KHSRP: variants seen among roughly 807,000 people sequenced by gnomAD.
The protein encoded by KHSRP is KH-type splicing regulatory protein.
A neutral mutation model predicts 94.9 loss-of-function variants in KHSRP; 13 were observed. That is an observed-to-expected ratio of 0.14 (90% confidence interval 0.09 to 0.22). KHSRP has a LOEUF of 0.22. Ranked by LOEUF, KHSRP falls within the 10% of genes least tolerant of loss-of-function variation. The probability of loss-of-function intolerance (pLI) is 1.00; values close to 1 mark genes in which losing one functional copy is unlikely to be tolerated. For missense variants in KHSRP, 710 were observed against 1,010.0 expected (o/e 0.70, Z 4.03); for synonymous variants, 495 against 401.4 (o/e 1.23, Z -2.79).
rs933015075 is a variant in KHSRP, at chr19:6,424,516, G to C, written c.186C>G (p.Pro62=). 2 of 985,928 alleles carry C rather than the reference G, an allele frequency of 2.0e-6. No homozygotes were observed. Among genetic ancestry groups the C allele is most frequent in the Non-Finnish European group, 2.4e-6 (2 of 831,834 alleles). 61.1% of individuals were successfully genotyped at this position (985,928 alleles called of 1,614,324 possible). The change falls in exon 1 of 19, where the codon CCC becomes CCG. Residue 62 remains proline, a synonymous_variant. Transcript: ENST00000600480. ...TGCGGATTCCCGGGCCGCCTCCGCC[G>C]GGTGGCTGAGAGGGGCCCCCGGCCG... ...GGSAGGPSQP[P]GGGGPGIRKD...
intron 3 of KHSRP, 68 bp from the exon 4 acceptor site, chr19:6,421,385 C>A: frequency 6.6e-7 from 1 of 1,503,942 alleles, no homozygotes. Context: ...CTGCCTGCCC[C>A]GGGTCAGTGG....
chr19:6,423,686 G>T (rs964412693), intron 1 of KHSRP, among the ~76,000 whole-genome samples: 6 of 152,232 alleles, frequency 3.9e-5, no homozygotes, highest in African/African-American at 1.4e-4. Flanking sequence ...CTCTAGCCCC[G>T]GAGGCATTGG....
At chr19:6,419,978 C>A in intron 6 of KHSRP, 95 bp downstream of exon 6, 1 of 957,900 alleles carries the variant, frequency 1.0e-6, no homozygotes, top group Non-Finnish European at 1.6e-6. Context: ...AGCTCGCTTC[C>A]TGTCCACAGT....
intron 2 of KHSRP, among the ~76,000 whole-genome samples, 200 bp from the exon 3 acceptor site, chr19:6,421,888 A>G (rs2092197145): frequency 6.6e-6 from 1 of 152,178 alleles, no homozygotes; most frequent in East Asian, 1.9e-4. Context: ...CAGAGTAAAA[A>G]AGCCTTCAGA....
rs377364421 is a variant in KHSRP at position 6,415,516 on chromosome 19, G to T, written c.1888+18C>A. The stretch of plus-strand genomic sequence containing the variant: ...CCCCCGGCAGGGCTGGAGCCCCCCC[G>T]CCACCCTGCAGACTCACCGATCTTT... On this transcript the variant is annotated intron_variant, in intron 17 of 18. Coordinates refer to ENST00000600480, the MANE Select transcript of KHSRP (RefSeq NM_001366299.1). 1 of 1,546,318 alleles carries T rather than the reference G, an allele frequency of 6.5e-7. No homozygotes were observed. The highest frequency in any genetic ancestry group is 8.7e-7 in the Non-Finnish European group (1 of 1,144,916).
Position 6,415,435 on chromosome 19 carries a change from T to C in KHSRP, c.1911A>G (p.Gly637=). 1 of 1,571,208 alleles carries C rather than the reference T, an allele frequency of 6.4e-7. No homozygotes were observed. Among genetic ancestry groups the C allele is most frequent in the Non-Finnish European group, 8.6e-7 (1 of 1,158,366 alleles). ...KKIGQQPQQP[G]APPQQDYTKA... The stretch of plus-strand genomic sequence containing the variant: ...TCGTGTAGTCCTGCTGTGGGGGTGC[T>C]CCGGGCTGCTGGGGCTGCTGGCCTG... Residue 637 remains glycine, a synonymous_variant, in exon 18 of 19, where the codon GGA becomes GGG. Coordinates refer to ENST00000600480, the MANE Select transcript of KHSRP (RefSeq NM_001366299.1).
At chr19:6,417,615 G>C in intron 11 of KHSRP, 124 bp downstream of exon 11, 1 of 711,216 alleles carries the variant, frequency 1.4e-6, no homozygotes, top group Non-Finnish European at 2.5e-6. Flanking sequence ...CTGACGGCTG[G>C]ACTAAGAGCC....
At position 6,413,934 on chromosome 19, in the gene KHSRP, G is replaced by A. The variant is rs1398405486; in HGVS notation, c.*1090C>T. 11 of 736,424 alleles carry A rather than the reference G, an allele frequency of 1.5e-5. No individual in the cohort carries two copies. The highest frequency in any genetic ancestry group is 2.9e-5 in the East Asian group (1 of 34,176). 45.6% of individuals were successfully genotyped at this position (736,424 alleles called of 1,614,324 possible). A position where few individuals can be genotyped will look rare whatever the true frequency, so the allele number is the denominator to read the frequency against. On this transcript the variant is annotated 3_prime_UTR_variant, in exon 19 of 19. Coordinates refer to ENST00000600480, the MANE Select transcript of KHSRP (RefSeq NM_001366299.1). The stretch of plus-strand genomic sequence containing the variant: ...AAAGCATGTGAGACACAGAACAGGC[G>A]AGAGAGTGAGGGCCCGGCATGCCCC...
intron 4 of KHSRP, among the ~76,000 whole-genome samples, chr19:6,420,761 C>T (rs767803272): frequency 6.6e-6 from 1 of 152,216 alleles, no homozygotes. Flanking sequence ...GCTGTATGTC[C>T]TTTTCATCTT....
chr19:6,416,557 A>G lies in KHSRP; in HGVS notation c.1421T>C (p.Leu474Ser). The change falls in exon 14 of 19, where the codon TTG becomes TCG. Residue 474 changes from leucine to serine, a missense_variant. By Grantham distance (145) the Leu-to-Ser change is moderately radical (BLOSUM62 -2). Coordinates refer to ENST00000600480, the MANE Select transcript of KHSRP (RefSeq NM_001366299.1). Reference protein sequence around the residue: ...LPPNGDPNFKLFIIRGSPQQI... With the variant: ...LPPNGDPNFKSFIIRGSPQQI... ...CTGGGGTGAACCCCGGATGATGAACAACTTGAAGTTGGGGTCCCCGTTGGG... is the reference window on the plus strand; with the variant it reads ...CTGGGGTGAACCCCGGATGATGAACGACTTGAAGTTGGGGTCCCCGTTGGG... 1 of 1,613,802 alleles carries G rather than the reference A, an allele frequency of 6.2e-7. No homozygotes were observed. Among genetic ancestry groups the G allele is most frequent in the Non-Finnish European group, 8.5e-7 (1 of 1,179,692 alleles).
intron 15 of KHSRP, among the ~76,000 whole-genome samples, 157 bp downstream of exon 15, chr19:6,416,141 C>T (rs1317600793): frequency 6.6e-6 from 1 of 152,200 alleles, no homozygotes; most frequent in African/African-American, 2.4e-5. Flanking sequence ...CATGCTCTAC[C>T]AGTAGACAGG....
chr19:6,419,179 A>G (rs1237640518), intron 7 of KHSRP, 24 bp downstream of exon 7: 2 of 1,567,270 alleles, frequency 1.3e-6, no homozygotes, highest in Non-Finnish European at 1.7e-6. Context: ...CCACATCACA[A>G]TGAGAGGCCC....
At chr19:6,419,148 G>A (rs938577748) in intron 7 of KHSRP, 55 bp downstream of exon 7, 1 of 1,503,210 alleles carries the variant, frequency 6.7e-7, no homozygotes. Flanking sequence ...CAAACGGACA[G>A]AGCAGGCTTC....
chr19:6,420,203 AG>A, intron 5 of KHSRP, 59 bp from the exon 6 acceptor site: 1 of 1,499,848 alleles, frequency 6.7e-7, no homozygotes, highest in Non-Finnish European at 9.2e-7. Context: ...CCCAGGCCTC[AG>A]GAGACTGTGT....
Position 6,414,214 on chromosome 19 carries a change from G to T in KHSRP, c.*810C>A, listed in dbSNP as rs529449095. ...GAGAGGAGGGGCTGGAACACCGTGG[G>T]GGGGGCCAGGAAGCCCCCTCCCAAA... On this transcript the variant is annotated 3_prime_UTR_variant, in exon 19 of 19. Transcript: ENST00000600480. 21 of 1,527,432 alleles carry T rather than the reference G, an allele frequency of 1.4e-5. No homozygotes were observed. The highest frequency in any genetic ancestry group is 1.8e-5 in the Non-Finnish European group (20 of 1,137,704). 94.6% of individuals were successfully genotyped at this position (1,527,432 alleles called of 1,614,324 possible).
At chr19:6,424,417 G>A in intron 1 of KHSRP, 36 bp downstream of exon 1, 7 of 967,234 alleles carry the variant, frequency 7.2e-6, no homozygotes, top group Non-Finnish European at 8.6e-6. Flanking sequence ...CTGCGCGCGC[G>A]CGCGAGCGCG....
In KHSRP at chr19:6,414,481, C is replaced by T. The variant is rs1394563997; in HGVS notation, c.*543G>A. 4 of 1,104,778 alleles carry T rather than the reference C, an allele frequency of 3.6e-6. No individual in the cohort carries two copies. Among genetic ancestry groups the T allele is most frequent in the African/African-American group, 1.6e-5 (1 of 61,178 alleles). The allele number at this position is 1,104,778 out of a possible 1,614,324, so 68.4% of individuals were successfully genotyped here. Reference sequence around the variant, plus strand: ...CAGAGATCATGGTGTCCCCACAACACCCCTGTGAGGTAGGTTGGAAGGTGG... The same window carrying T: ...CAGAGATCATGGTGTCCCCACAACATCCCTGTGAGGTAGGTTGGAAGGTGG... On this transcript the variant is annotated 3_prime_UTR_variant, in exon 19 of 19. Transcript: ENST00000600480.
In KHSRP at chr19:6,415,677, T is replaced by C; in HGVS notation, c.1745A>G (p.His582Arg). The change falls in exon 17 of 19, where the codon CAC (histidine) becomes CGC (arginine). Residue 582 changes from histidine (H) to arginine (R), a missense_variant. Physicochemically the swap from His to Arg is conservative, Grantham distance 29. Around this residue, in one of 5 missense-constraint regions of KHSRP, gnomAD observed 292 missense variants for 340.5 expected, o/e 0.86. Coordinates refer to ENST00000600480, the MANE Select transcript of KHSRP (RefSeq NM_001366299.1). ...GGGGCCCGGGGGCTGCTGGTAGTAG[T>C]GTGAGTAGTAGGCGGCCCACGCGGC... ...PNAAWAAYYS[H>R]YYQQPPGPVP... is the part of the protein sequence containing the mutation. The C allele has an allele frequency of 6.5e-7, 1 of 1,546,358 alleles. No homozygotes were observed.
At chr19:6,422,258 C>G (rs553822867) in intron 2 of KHSRP, 82 bp downstream of exon 2, 5 of 889,444 alleles carry the variant, frequency 5.6e-6, no homozygotes, top group African/African-American at 3.3e-5. Context: ...ACACCCACCC[C>G]CTCTGAACCA....
Sources: allele counts gnomAD v4.1 joint callset (sites outside exome capture counted in the v4.1 genomes callset), GRCh38; gene constraint gnomAD v4.1.1; regional missense constraint gnomAD v4.1.1; transcripts MANE v1.5; gene names NCBI Gene and HGNC (gene_info 2026-07-23, HGNC 2026-07-21).